Variants in UGT1A8 observed in about 807,000 individuals in gnomAD.
UGT1A8 encodes the protein UDP-glucuronosyltransferase 1A8.
Under a neutral mutation model 45.3 loss-of-function variants are expected in UGT1A8, and 39 were observed. The observed-to-expected ratio is 0.86, with a 90% CI of 0.67 to 1.12. The LOEUF is 1.12. Ranked by LOEUF, UGT1A8 falls within the 50% of genes most tolerant of loss-of-function variation. The pLI, the probability that UGT1A8 is intolerant of heterozygous loss-of-function variation, is 0.00. For missense variants in UGT1A8, 719 were observed against 664.9 expected (o/e 1.08, Z -0.90); for synonymous variants, 275 against 249.2 (o/e 1.10, Z -0.97).
At chr2:233,748,764 A>G (rs1260717219) in intron 1 of UGT1A8, among the ~76,000 whole-genome samples, 3 of 151,530 alleles carry the variant, frequency 2.0e-5, no homozygotes, top group Non-Finnish European at 4.4e-5. Flanking sequence ...TTTTGGTTGC[A>G]GGTCAATTGG....
intron 1 of UGT1A8, among the ~76,000 whole-genome samples, chr2:233,634,432 G>A (rs1460597771): frequency 3.3e-5 from 5 of 152,090 alleles, no homozygotes; most frequent in Admixed American, 1.3e-4. Flanking sequence ...CACTATTATT[G>A]TATGGGAGCC....
At chr2:233,701,370 C>T (rs1390957102) in intron 1 of UGT1A8, among the ~76,000 whole-genome samples, 2 of 152,150 alleles carry the variant, frequency 1.3e-5, no homozygotes, top group Non-Finnish European at 2.9e-5. Context: ...TACAAAGAGA[C>T]TTAGACTCCC....
rs115840798 is a variant in UGT1A8 at position 233,736,595 on chromosome 2, C to T, written c.856-30439C>T. Among the ~76,000 whole-genome samples, 665 of 152,242 alleles carry T rather than the reference C, an allele frequency of 4.4e-3. 8 individuals are homozygous for T. The highest frequency in any genetic ancestry group is 0.015 in the African/African-American group (625 of 41,542). ...ATCCTTTGGAGGAGATGTGCTTATG[C>T]GCTATGGTTTTTAGAATTTTCAGCT... is the stretch of plus-strand genomic sequence containing the variant. On this transcript the variant is annotated intron_variant, in intron 1 of 4. Transcript: ENST00000373450.
At chr2:233,759,870 C>G (rs1487937360) in intron 1 of UGT1A8, among the ~76,000 whole-genome samples, 1 of 152,172 alleles carries the variant, frequency 6.6e-6, no homozygotes, top group African/African-American at 2.4e-5. Context: ...AGCGGGGGTA[C>G]AGTTGTGTTC....
intron 1 of UGT1A8, among the ~76,000 whole-genome samples, chr2:233,646,097 A>G (rs2073594623): frequency 6.6e-6 from 1 of 152,198 alleles, no homozygotes; most frequent in South Asian, 2.1e-4. Flanking sequence ...CCCACATGGA[A>G]GCTGCCAAGG....
chr2:233,685,177 C>T (rs1351794584), intron 1 of UGT1A8, among the ~76,000 whole-genome samples: 1 of 152,014 alleles, frequency 6.6e-6, no homozygotes, highest in African/African-American at 2.4e-5. Context: ...GATCATCATT[C>T]AGGAGAACAT....
chr2:233,698,878 C>T (rs958200005), intron 1 of UGT1A8, among the ~76,000 whole-genome samples: 1 of 152,216 alleles, frequency 6.6e-6, no homozygotes, highest in Non-Finnish European at 1.5e-5. Flanking sequence ...GCGACTTTGA[C>T]CAAAGCCTTA....
intron 1 of UGT1A8, among the ~76,000 whole-genome samples, chr2:233,699,699 G>A (rs1322177802): frequency 2.6e-5 from 4 of 152,198 alleles, no homozygotes; most frequent in African/African-American, 9.7e-5. Context: ...AACAATGAAT[G>A]TGGTTTTCTT....
At chr2:233,684,201 C>T (rs893084348) in intron 1 of UGT1A8, among the ~76,000 whole-genome samples, 4 of 152,164 alleles carry the variant, frequency 2.6e-5, no homozygotes, top group Non-Finnish European at 5.9e-5. Flanking sequence ...GACTGTTCAA[C>T]CAACTCATGG....
rs145652010 is a variant in UGT1A8 at position 233,744,794 on chromosome 2, G to C, written c.856-22240G>C. On this transcript the variant is annotated intron_variant, in intron 1 of 4. Coordinates refer to ENST00000373450, the MANE Select transcript of UGT1A8 (RefSeq NM_019076.5). ...CAAAATTCTCCTGAAAAATTCTTGG[G>C]GATCCCTAGGATTTCCTGGCTCATA... 2.6e-3 allele frequency among the ~76,000 whole-genome samples: 393 copies of C among 151,892 alleles called. 13 individuals are homozygous for C. The highest frequency in any genetic ancestry group is 8.3e-3 in the African/African-American group (341 of 41,188).
intron 2 of UGT1A8, 103 bp downstream of exon 2, chr2:233,767,268 G>C: frequency 6.3e-7 from 1 of 1,584,094 alleles, no homozygotes; most frequent in Non-Finnish European, 8.5e-7. Flanking sequence ...CCTTAGATTT[G>C]GCTTTTCCCT....
chr2:233,760,564 G>C, intron 1 of UGT1A8: 1 of 1,614,242 alleles, frequency 6.2e-7, no homozygotes, highest in Non-Finnish European at 8.5e-7. Context: ...AGAGTCTTTT[G>C]TTAGTCTCGG....
intron 1 of UGT1A8, among the ~76,000 whole-genome samples, chr2:233,714,978 C>T (rs1467606775): frequency 1.3e-5 from 2 of 152,150 alleles, no homozygotes; most frequent in African/African-American, 4.8e-5. Context: ...CCAGGTTCAA[C>T]TGATTCTCCT....
rs140117903 is a variant in UGT1A8, at chr2:233,736,068, T to A, written c.856-30966T>A. On this transcript the variant is annotated intron_variant, in intron 1 of 4. Transcript: ENST00000373450. ...TTGAATGTTGGCCTGCCTTGCTAGG[T>A]TTGGGAAGTTCTCCTGGATAATATC... Among the ~76,000 whole-genome samples, 1,506 of 152,332 alleles carry A rather than the reference T, an allele frequency of 9.9e-3. 21 individuals carry two copies. Among genetic ancestry groups the A allele is most frequent in the African/African-American group, 0.035 (1,437 of 41,570 alleles).
chr2:233,694,012 A>G lies in UGT1A8; in HGVS notation c.856-73022A>G, dbSNP rs370450750. On this transcript the variant is annotated intron_variant, in intron 1 of 4. Coordinates refer to ENST00000373450, the MANE Select transcript of UGT1A8 (RefSeq NM_019076.5). The stretch of plus-strand genomic sequence containing the variant: ...TGATACCCGGCTCGGAGCAGCGGGA[A>G]CACATAGGAGACCTGAGGCTGAAGT... 2.5e-5 allele frequency: 35 copies of G among 1,424,192 alleles called. No homozygotes were observed. The African/African-American group carries it at 5.0e-4, about 20-fold the overall frequency. The allele number at this position is 1,424,192 out of a possible 1,614,324, so 88.2% of individuals were successfully genotyped here. A position where few individuals can be genotyped will look rare whatever the true frequency, so the allele number is the denominator to read the frequency against.
intron 1 of UGT1A8, among the ~76,000 whole-genome samples, chr2:233,628,592 C>A (rs531515079): frequency 9.9e-5 from 15 of 152,042 alleles, no homozygotes; most frequent in African/African-American, 3.6e-4. Context: ...ACAATCTGGA[C>A]ACTTTTTACT....
chr2:233,765,010 C>G (rs940800648), intron 1 of UGT1A8, among the ~76,000 whole-genome samples: 10 of 152,056 alleles, frequency 6.6e-5, no homozygotes, highest in Non-Finnish European at 1.2e-4. Context: ...TGTTCCAAAT[C>G]AGGCTTGGCA....
rs532660165 is a variant in UGT1A8 at position 233,656,818 on chromosome 2, G to A, written c.855+38256G>A. On this transcript the variant is annotated intron_variant, in intron 1 of 4. Transcript: ENST00000373450. ...GATTCACTTGTTGTGGGAGACGGGCGGCACTTAGTATTTTCTTTTCAGTTT... is the reference window on the plus strand; with the variant it reads ...GATTCACTTGTTGTGGGAGACGGGCAGCACTTAGTATTTTCTTTTCAGTTT... Among the ~76,000 whole-genome samples the A allele has an allele frequency of 7.2e-5, 11 of 152,222 alleles. 1 individual carries two copies. The highest frequency in any genetic ancestry group is 2.1e-4 in the South Asian group (1 of 4,822).
chr2:233,711,133 G>C (rs1434131378), intron 1 of UGT1A8, among the ~76,000 whole-genome samples: 1 of 152,222 alleles, frequency 6.6e-6, no homozygotes, highest in Non-Finnish European at 1.5e-5. Flanking sequence ...CCTGGAAGCT[G>C]ATGCCTTGGG....
Sources: gnomAD v4.1 joint callset for allele counts (sites outside exome capture counted in the v4.1 genomes callset) on GRCh38, gnomAD v4.1.1 for gene constraint, MANE v1.5 for transcripts, NCBI Gene and HGNC (gene_info 2026-07-23, HGNC 2026-07-21) for gene names.